NRXN1: variants seen among roughly 807,000 people sequenced by gnomAD.
The protein encoded by NRXN1 is neurexin-1.
NRXN1 carries 39 observed loss-of-function variants against 150.9 expected under a neutral mutation model. The observed-to-expected ratio is 0.26, with a 90% CI of 0.20 to 0.34. NRXN1 has a LOEUF of 0.34. NRXN1 is among the 10% of genes least tolerant of loss of function. NRXN1 has a pLI of 1.00. For missense variants in NRXN1, 1,815 were observed against 1,949.9 expected (o/e 0.93, Z 1.30); for synonymous variants, 924 against 757.0 (o/e 1.22, Z -3.62).
chr2:50,258,917 A>G (rs1215416944), intron 17 of NRXN1, among the ~76,000 whole-genome samples: 1 of 152,092 alleles, frequency 6.6e-6, no homozygotes, highest in African/African-American at 2.4e-5. Context: ...TCTAAGCAGT[A>G]GGTCTCAATA....
intron 18 of NRXN1, among the ~76,000 whole-genome samples, chr2:50,157,797 T>C (rs920107279): frequency 2.0e-5 from 3 of 151,962 alleles, no homozygotes; most frequent in Non-Finnish European, 4.4e-5. Flanking sequence ...GCACTCTGGA[T>C]TTCCAAGGAA....
chr2:50,151,197 C>T (rs1002149659), intron 18 of NRXN1, among the ~76,000 whole-genome samples: 2 of 151,702 alleles, frequency 1.3e-5, no homozygotes, highest in African/African-American at 4.8e-5. Context: ...ACTCTTCTTT[C>T]CTCAGCTTTG....
intron 5 of NRXN1, among the ~76,000 whole-genome samples, chr2:50,899,369 T>C (rs1418251497): frequency 6.6e-6 from 1 of 152,136 alleles, no homozygotes; most frequent in Non-Finnish European, 1.5e-5. Flanking sequence ...ACAAATAGAA[T>C]AAGGTGAGAT....
At chr2:50,505,655 G>C (rs146828763) in intron 13 of NRXN1, among the ~76,000 whole-genome samples, 1 of 152,072 alleles carries the variant, frequency 6.6e-6, no homozygotes, top group African/African-American at 2.4e-5. Context: ...GTTAAGGAAC[G>C]ATTGTTTCAA....
chr2:49,964,177 C>T (rs138733985), intron 21 of NRXN1, among the ~76,000 whole-genome samples: 242 of 152,320 alleles, frequency 1.6e-3, no homozygotes, highest in Non-Finnish European at 2.1e-3. Context: ...TATCAATTTA[C>T]GCTCCAAACT....
chr2:50,632,168 A>G (rs887136218), intron 5 of NRXN1, among the ~76,000 whole-genome samples: 3 of 152,000 alleles, frequency 2.0e-5, no homozygotes, highest in African/African-American at 7.2e-5. Flanking sequence ...TCAAGGCAAT[A>G]TATTCTGAGC....
intron 5 of NRXN1, among the ~76,000 whole-genome samples, chr2:50,715,921 C>A (rs1461369951): frequency 6.6e-6 from 1 of 152,272 alleles, no homozygotes; most frequent in Non-Finnish European, 1.5e-5. Flanking sequence ...TATACACATT[C>A]TTTTTCACAG....
intron 2 of NRXN1, among the ~76,000 whole-genome samples, chr2:50,946,360 G>C (rs1482689627): frequency 1.3e-5 from 2 of 152,160 alleles, no homozygotes; most frequent in African/African-American, 4.8e-5. Flanking sequence ...ATAAACTTAA[G>C]ATGCTAAGAT....
chr2:50,893,712 T>A (rs1224279275), intron 5 of NRXN1, among the ~76,000 whole-genome samples: 1 of 152,194 alleles, frequency 6.6e-6, no homozygotes, highest in Non-Finnish European at 1.5e-5. Flanking sequence ...ATAATGTGAT[T>A]TTTGATAAAC....
intron 18 of NRXN1, among the ~76,000 whole-genome samples, chr2:50,131,848 GT>G (rs1186547386): frequency 6.6e-6 from 1 of 152,128 alleles, no homozygotes. Context: ...CTAGGTAGTG[GT>G]TATCCTACTG....
intron 5 of NRXN1, among the ~76,000 whole-genome samples, chr2:50,825,295 A>C (rs944661827): frequency 1.3e-5 from 2 of 152,192 alleles, no homozygotes; most frequent in Non-Finnish European, 2.9e-5. Flanking sequence ...TGATAAGAAT[A>C]TCATTTGTAT....
intron 17 of NRXN1, among the ~76,000 whole-genome samples, chr2:50,306,382 T>A (rs1235687836): frequency 6.6e-6 from 1 of 152,188 alleles, no homozygotes; most frequent in Non-Finnish European, 1.5e-5. Context: ...TCCTTTAAAA[T>A]CCAGCCTGAA....
intron 18 of NRXN1, among the ~76,000 whole-genome samples, chr2:50,116,542 C>G (rs1196437275): frequency 6.6e-6 from 1 of 151,958 alleles, no homozygotes. Flanking sequence ...AAAAAGGGAC[C>G]CTTCCAAGGC....
chr2:50,752,886 G>A (rs1034789022), intron 5 of NRXN1, among the ~76,000 whole-genome samples: 12 of 151,912 alleles, frequency 7.9e-5, no homozygotes, highest in African/African-American at 2.9e-4. Context: ...TGAAATGAAT[G>A]ACTCTATGTT....
intron 5 of NRXN1, among the ~76,000 whole-genome samples, chr2:50,662,037 T>C (rs1687377902): frequency 6.6e-6 from 1 of 152,086 alleles, no homozygotes; most frequent in Non-Finnish European, 1.5e-5. Flanking sequence ...ACAATGTACA[T>C]AGCATATATT....
intron 10 of NRXN1, among the ~76,000 whole-genome samples, chr2:50,533,749 A>G (rs1316433661): frequency 6.6e-6 from 1 of 152,056 alleles, no homozygotes; most frequent in Non-Finnish European, 1.5e-5. Context: ...CTCCAGATAC[A>G]CCAATTTCAT....
intron 5 of NRXN1, among the ~76,000 whole-genome samples, chr2:50,741,891 C>G (rs753364288): frequency 1.6e-4 from 24 of 152,104 alleles, no homozygotes; most frequent in Admixed American, 3.3e-4. Flanking sequence ...CCCAGTGATG[C>G]CTTACAGACA....
chr2:50,732,933 A>C (rs1698278514), intron 5 of NRXN1, among the ~76,000 whole-genome samples: 1 of 152,194 alleles, frequency 6.6e-6, no homozygotes, highest in African/African-American at 2.4e-5. Flanking sequence ...TTTGTGATTC[A>C]CACCCAATGA....
At chr2:50,326,030 A>C (rs1243882636) in intron 17 of NRXN1, among the ~76,000 whole-genome samples, 1 of 152,228 alleles carries the variant, frequency 6.6e-6, no homozygotes, top group African/African-American at 2.4e-5. Flanking sequence ...TTTTTTAAAA[A>C]GAAGTTCAAA....
Sources: allele counts gnomAD v4.1 joint callset (sites outside exome capture counted in the v4.1 genomes callset), GRCh38; gene constraint gnomAD v4.1.1; transcripts MANE v1.5; gene names NCBI Gene and HGNC (gene_info 2026-07-23, HGNC 2026-07-21).